STK38L: variants seen among roughly 807,000 people sequenced by gnomAD.
STK38L encodes serine/threonine-protein kinase 38-like.
A neutral mutation model predicts 59.7 loss-of-function variants in STK38L; 28 were observed. That is an observed-to-expected ratio of 0.47 (90% confidence interval 0.35 to 0.64). The LOEUF is 0.64. STK38L is among the 30% of genes least tolerant of loss of function. STK38L has a pLI of 0.01. For synonymous variants in STK38L, 162 were observed against 176.8 expected, an observed-to-expected ratio of 0.92 and a Z score of 0.66; for missense variants, 314 against 555.8, an observed-to-expected ratio of 0.56 and a Z score of 4.37.
chr12:27,250,916 G>A (rs759077371), intron 1 of STK38L, among the ~76,000 whole-genome samples: 1 of 150,554 alleles, frequency 6.6e-6, no homozygotes, highest in African/African-American at 2.5e-5. Flanking sequence ...GGAGAATGGC[G>A]TCAACCCGGG....
intron 1 of STK38L, among the ~76,000 whole-genome samples, chr12:27,245,432 C>T (rs570980728): frequency 6.6e-6 from 1 of 152,154 alleles, no homozygotes; most frequent in South Asian, 2.1e-4. Flanking sequence ...TCTTTTTTGG[C>T]GCTGGGGCTT....
At chr12:27,287,847 G>A (rs777762728) in intron 1 of STK38L, among the ~76,000 whole-genome samples, 3 of 152,052 alleles carry the variant, frequency 2.0e-5, no homozygotes, top group Non-Finnish European at 4.4e-5. Context: ...CTATGATTAT[G>A]TTGCCTCATT....
chr12:27,283,439 C>T (rs1015781234), intron 1 of STK38L, among the ~76,000 whole-genome samples: 3 of 152,088 alleles, frequency 2.0e-5, no homozygotes, highest in South Asian at 2.1e-4. Context: ...ATAAAACACT[C>T]GATAAATATT....
chr12:27,312,844 G>A (rs1295912700), intron 6 of STK38L, among the ~76,000 whole-genome samples, 172 bp downstream of exon 6: 3 of 152,160 alleles, frequency 2.0e-5, no homozygotes, highest in East Asian at 1.9e-4. Context: ...AAAACAGATT[G>A]TTTTGAAGGA....
intron 1 of STK38L, among the ~76,000 whole-genome samples, chr12:27,249,703 G>A (rs1312248243): frequency 1.3e-5 from 2 of 152,156 alleles, no homozygotes; most frequent in Admixed American, 6.5e-5. Context: ...AGATCAGTTG[G>A]TAACCCAAAT....
At chr12:27,302,017 A>G in intron 2 of STK38L, 120 bp from the exon 3 acceptor site, 1 of 678,042 alleles carries the variant, frequency 1.5e-6, no homozygotes, top group Non-Finnish European at 2.3e-6. Context: ...CCAACTTGAA[A>G]GTTTTTTTTT....
intron 5 of STK38L, 58 bp downstream of exon 5, chr12:27,309,255 G>GC: frequency 7.7e-7 from 1 of 1,298,216 alleles, no homozygotes; most frequent in South Asian, 1.4e-5. Flanking sequence ...AGTGTTAAGA[G>GC]TGTTTATATT....
rs1210229633 is a variant in STK38L, at chr12:27,308,939, A to T, written c.310-175A>T. 2.8e-5 allele frequency among the ~76,000 whole-genome samples: 4 copies of T among 144,846 alleles called. No individual in the cohort carries two copies. Among genetic ancestry groups the T allele is most frequent in the South Asian group, 2.1e-4 (1 of 4,686 alleles). The stretch of plus-strand genomic sequence containing the variant: ...ATATTAATATATATAAAATATATAT[A>T]AATATATATATAACATATATAAAAA... On this transcript the variant is annotated intron_variant, in intron 4 of 13. Coordinates refer to ENST00000389032, the MANE Select transcript of STK38L (RefSeq NM_015000.4). The surrounding 1 kb of genome is among the most constrained non-coding windows in gnomAD (Gnocchi z 4.5).
At chr12:27,311,736 A>G (rs1944458599) in intron 5 of STK38L, among the ~76,000 whole-genome samples, 1 of 146,808 alleles carries the variant, frequency 6.8e-6, no homozygotes, top group Non-Finnish European at 1.5e-5. Flanking sequence ...TTATAACAAT[A>G]ATATAACATA....
intron 1 of STK38L, among the ~76,000 whole-genome samples, chr12:27,252,537 G>A (rs1182724607): frequency 2.0e-5 from 3 of 152,154 alleles, no homozygotes; most frequent in Non-Finnish European, 4.4e-5. Flanking sequence ...TGCCCCTTAC[G>A]ACTTTTCTGT....
intron 1 of STK38L, among the ~76,000 whole-genome samples, chr12:27,250,621 A>G (rs1942951358): frequency 6.6e-6 from 1 of 152,118 alleles, no homozygotes; most frequent in South Asian, 2.1e-4. Context: ...TATTATCTCT[A>G]CCTACAAATG....
At chr12:27,291,577 T>G (rs896530454) in intron 1 of STK38L, among the ~76,000 whole-genome samples, 1 of 152,176 alleles carries the variant, frequency 6.6e-6, no homozygotes, top group Non-Finnish European at 1.5e-5. Context: ...TGGTTGAAAA[T>G]AAAACAATTA....
Position 27,317,333 on chromosome 12 carries a change from T to C in STK38L, c.838-3T>C. ...GCTGGTTTGACGAGTTGCTCCTTTG[T>C]AGGCATATTCCACAGTTGGGACACC... is the stretch of plus-strand genomic sequence containing the variant. On this transcript the variant is annotated splice_polypyrimidine_tract_variant and splice_region_variant and intron_variant, in intron 9 of 13. Transcript: ENST00000389032. The C allele has an allele frequency of 6.3e-7, 1 of 1,598,460 alleles. No individual in the cohort carries two copies. Among genetic ancestry groups the C allele is most frequent in the South Asian group, 1.1e-5 (1 of 88,268 alleles).
At chr12:27,294,504 CAA>C (rs63041360) in intron 1 of STK38L, among the ~76,000 whole-genome samples, 9,838 of 101,264 alleles carry the variant, frequency 0.097, 411 homozygotes, top group Non-Finnish European at 0.14. Flanking sequence ...GAAATTCTGT[CAA>C]AAAAAAAAAA....
intron 1 of STK38L, among the ~76,000 whole-genome samples, chr12:27,249,115 C>G (rs1565519833): frequency 6.6e-6 from 1 of 152,150 alleles, no homozygotes; most frequent in Non-Finnish European, 1.5e-5. Context: ...TTGGGGGCAT[C>G]TTTTCCCACC....
At chr12:27,312,341 CT>C (rs1188972168) in intron 5 of STK38L, among the ~76,000 whole-genome samples, 1 of 152,180 alleles carries the variant, frequency 6.6e-6, no homozygotes, top group Admixed American at 6.5e-5. Flanking sequence ...TTGACCTCAC[CT>C]TTTCAGACCT....
intron 12 of STK38L, 30 bp from the exon 13 acceptor site, chr12:27,322,113 T>C (rs1389226427): frequency 6.3e-7 from 1 of 1,584,478 alleles, no homozygotes; most frequent in African/African-American, 1.4e-5. Context: ...TCAAGAAAAG[T>C]TACCATGCAT....
intron 1 of STK38L, among the ~76,000 whole-genome samples, chr12:27,259,088 C>G (rs1054224265): frequency 2.6e-5 from 4 of 152,178 alleles, no homozygotes; most frequent in Non-Finnish European, 5.9e-5. Flanking sequence ...ACTTGTTCTT[C>G]CTGAACCTAC....
intron 6 of STK38L, among the ~76,000 whole-genome samples, chr12:27,313,314 C>T (rs1281071512): frequency 2.0e-5 from 3 of 151,138 alleles, no homozygotes; most frequent in African/African-American, 4.9e-5. Context: ...AATCATTGCT[C>T]AGCAAAGAGG....
Sources: allele counts gnomAD v4.1 joint callset (sites outside exome capture counted in the v4.1 genomes callset), GRCh38; gene constraint gnomAD v4.1.1; non-coding constraint Gnocchi (gnomAD v3.1); transcripts MANE v1.5; gene names NCBI Gene and HGNC (gene_info 2026-07-23, HGNC 2026-07-21).